SFMBT1: variants seen among roughly 807,000 people sequenced by gnomAD.
The protein encoded by SFMBT1 is scm-like with four MBT domains protein 1.
A neutral mutation model predicts 108.7 loss-of-function variants in SFMBT1; 32 were observed. The ratio of observed to expected loss-of-function variants is 0.29; its 90% confidence interval spans 0.22 to 0.40. SFMBT1 has a LOEUF of 0.40. SFMBT1 is among the 10% of genes least tolerant of loss of function. The pLI is 1.00. For missense variants in SFMBT1, 816 were observed against 1,059.6 expected (o/e 0.77, Z 3.19); for synonymous variants, 348 against 369.5 (o/e 0.94, Z 0.67).
intron 1 of SFMBT1, among the ~76,000 whole-genome samples, chr3:52,993,010 A>AT (rs1457365216): frequency 3.3e-5 from 5 of 152,194 alleles, no homozygotes; most frequent in African/African-American, 1.2e-4. Context: ...ATTATTTATC[A>AT]TACTCATCCT....
rs546744149 is a variant in SFMBT1, at chr3:53,014,942, G to A, written c.-131+30874C>T. 9.2e-5 allele frequency among the ~76,000 whole-genome samples: 14 copies of A among 152,154 alleles called. No homozygotes were observed. In the East Asian group the frequency reaches 1.4e-3, roughly 15 times the overall value. Reference sequence around the variant, plus strand: ...GAGTTATATAAAAAGTAATAGGACCGGGAGCAGTGGCTCATGCCTGTAATC... The same window carrying A: ...GAGTTATATAAAAAGTAATAGGACCAGGAGCAGTGGCTCATGCCTGTAATC... On this transcript the variant is annotated intron_variant, in intron 1 of 20. Transcript: ENST00000394752.
chr3:52,967,680 T>C (rs1704192807), intron 2 of SFMBT1, among the ~76,000 whole-genome samples: 1 of 152,198 alleles, frequency 6.6e-6, no homozygotes, highest in African/African-American at 2.4e-5. Flanking sequence ...GACATTTCAC[T>C]GACGAGGATA....
intron 1 of SFMBT1, among the ~76,000 whole-genome samples, chr3:53,033,274 C>G (rs1699749595): frequency 6.6e-6 from 1 of 151,994 alleles, no homozygotes; most frequent in African/African-American, 2.4e-5. Flanking sequence ...AATTCTCCTG[C>G]CTCAGCCTCC....
At chr3:53,040,647 A>C (rs1700009672) in intron 1 of SFMBT1, among the ~76,000 whole-genome samples, 1 of 151,574 alleles carries the variant, frequency 6.6e-6, no homozygotes, top group Admixed American at 6.6e-5. Flanking sequence ...AAAAAGACCC[A>C]ATGCACACAG....
At chr3:52,995,005 A>G (rs1256864175) in intron 1 of SFMBT1, among the ~76,000 whole-genome samples, 1 of 148,952 alleles carries the variant, frequency 6.7e-6, no homozygotes, top group African/African-American at 2.4e-5. Context: ...TGTAGCATCA[A>G]GAAAGAAAGA....
intron 4 of SFMBT1, among the ~76,000 whole-genome samples, chr3:52,938,385 CAT>C (rs1201503072): frequency 1.1e-4 from 17 of 152,058 alleles, no homozygotes; most frequent in African/African-American, 4.1e-4. Context: ...CCCGTTTACA[CAT>C]ATAGTTTCTC....
intron 19 of SFMBT1, 39 bp downstream of exon 19, chr3:52,907,030 G>A (rs1559505804): frequency 6.4e-7 from 1 of 1,569,754 alleles, no homozygotes; most frequent in East Asian, 2.2e-5. Flanking sequence ...AAATTCCAGA[G>A]AGAAAGAAAG....
At position 52,911,863 on chromosome 3, in the gene SFMBT1, C is replaced by T. The variant is rs997769829; in HGVS notation, c.1730+675G>A. 9.2e-5 allele frequency among the ~76,000 whole-genome samples: 14 copies of T among 151,702 alleles called. 1 individual carries two copies. Among genetic ancestry groups the T allele is most frequent in the Non-Finnish European group, 1.5e-5 (1 of 67,912 alleles). On this transcript the variant is annotated intron_variant, in intron 16 of 20. Coordinates refer to ENST00000394752, the MANE Select transcript of SFMBT1 (RefSeq NM_016329.4). ...TACAGGCACACACCACGACACCTGG[C>T]TAATTTTTGTATTTTGAGTAGAGAC...
At chr3:52,999,278 T>C (rs1428852312) in intron 1 of SFMBT1, among the ~76,000 whole-genome samples, 1 of 150,266 alleles carries the variant, frequency 6.7e-6, no homozygotes, top group Non-Finnish European at 1.5e-5. Context: ...CCTGGAACCC[T>C]ACGTGAAGGA....
intron 1 of SFMBT1, among the ~76,000 whole-genome samples, chr3:53,031,391 G>A (rs572322688): frequency 1.3e-5 from 2 of 152,250 alleles, no homozygotes; most frequent in Non-Finnish European, 2.9e-5. Context: ...TTTACTAATG[G>A]AAATGCATTT....
intron 3 of SFMBT1, among the ~76,000 whole-genome samples, chr3:52,951,056 C>T (rs1486955004): frequency 7.1e-6 from 1 of 140,838 alleles, no homozygotes; most frequent in Non-Finnish European, 1.5e-5. Context: ...CCTGAAGCTG[C>T]AGTGAGCTAG....
chr3:52,978,328 G>A (rs1004590552), intron 1 of SFMBT1, among the ~76,000 whole-genome samples: 11 of 152,104 alleles, frequency 7.2e-5, no homozygotes, highest in Admixed American at 7.2e-4. Flanking sequence ...GGGAGGCCAG[G>A]GTAGTTGGTG....
At chr3:53,012,595 G>C (rs1256812882) in intron 1 of SFMBT1, among the ~76,000 whole-genome samples, 1 of 151,558 alleles carries the variant, frequency 6.6e-6, no homozygotes, top group Non-Finnish European at 1.5e-5. Context: ...GTAGAGGCGG[G>C]GTTTCACTGT....
chr3:52,912,913 G>C (rs1488748763), intron 15 of SFMBT1, among the ~76,000 whole-genome samples: 4 of 152,150 alleles, frequency 2.6e-5, no homozygotes, highest in Non-Finnish European at 5.9e-5. Flanking sequence ...AATTGCTCCA[G>C]AACATGCTTC....
intron 2 of SFMBT1, among the ~76,000 whole-genome samples, chr3:52,968,617 T>TTTTA (rs1704229908): frequency 7.6e-6 from 1 of 132,030 alleles, no homozygotes; most frequent in Non-Finnish European, 1.7e-5. Flanking sequence ...TTTTTTTTTT[T>TTTTA]GAGAAGGAGT....
chr3:52,952,740 A>G (rs908334928), intron 3 of SFMBT1, among the ~76,000 whole-genome samples: 1 of 152,002 alleles, frequency 6.6e-6, no homozygotes, highest in Non-Finnish European at 1.5e-5. Flanking sequence ...ATGAGAAAAA[A>G]CCTTTATGGC....
At chr3:52,990,548 G>C (rs943230191) in intron 1 of SFMBT1, among the ~76,000 whole-genome samples, 1 of 152,120 alleles carries the variant, frequency 6.6e-6, no homozygotes, top group Non-Finnish European at 1.5e-5. Context: ...TCAAACACCA[G>C]AATACTACTT....
chr3:52,926,086 G>C lies in SFMBT1; in HGVS notation c.1076C>G (p.Ala359Gly). Residue 359 changes from alanine to glycine, a missense_variant, in exon 10 of 21, where the codon GCT becomes GGT. Physicochemically the swap from Ala to Gly is moderately conservative, Grantham distance 60. Around this residue, in one of 5 missense-constraint regions of SFMBT1, gnomAD observed 495 missense variants for 607.4 expected, o/e 0.81. Coordinates refer to ENST00000394752, the MANE Select transcript of SFMBT1 (RefSeq NM_016329.4). ...PGYPSQDFDW[A>G]DYLKQCGAEA... ...AGCACCACACTGTTTGAGGTAGTCA[G>C]CCCAGTCAAAGTCCTGGCTTGGGTA... The C allele has an allele frequency of 6.2e-7, 1 of 1,602,892 alleles. No homozygotes were observed. Among genetic ancestry groups the C allele is most frequent in the Non-Finnish European group, 8.5e-7 (1 of 1,175,768 alleles).
At chr3:53,012,379 C>T (rs1698971673) in intron 1 of SFMBT1, among the ~76,000 whole-genome samples, 1 of 151,350 alleles carries the variant, frequency 6.6e-6, no homozygotes, top group African/African-American at 2.4e-5. Context: ...CTAAAAAGGA[C>T]AGAAGTGCCT....
Sources: allele counts gnomAD v4.1 joint callset (sites outside exome capture counted in the v4.1 genomes callset), GRCh38; gene constraint gnomAD v4.1.1; regional missense constraint gnomAD v4.1.1; transcripts MANE v1.5; gene names NCBI Gene and HGNC (gene_info 2026-07-23, HGNC 2026-07-21).